The following GLIS3 variants were observed in gnomAD, a reference collection of about 807,000 sequenced individuals.
GLIS3 encodes the protein zinc finger protein GLIS3.
In GLIS3, 53 loss-of-function variants were observed where a neutral mutation model predicts 78.6. The observed-to-expected ratio is 0.67, with a 90% CI of 0.54 to 0.85. The LOEUF is 0.85. Ranked by LOEUF, GLIS3 falls within the 40% of genes least tolerant of loss-of-function variation. The pLI, the probability that GLIS3 is intolerant of heterozygous loss-of-function variation, is 0.00. For synonymous variants in GLIS3, 684 were observed against 509.9 expected (o/e 1.34, Z -4.60); for missense variants, 1,703 against 1,231.1 (o/e 1.38, Z -5.74).
At chr9:4,069,019 G>T (rs1375518446) in intron 4 of GLIS3, among the ~76,000 whole-genome samples, 1 of 152,078 alleles carries the variant, frequency 6.6e-6, no homozygotes, top group Non-Finnish European at 1.5e-5. Flanking sequence ...AAAGTAAGTG[G>T]CTTGTTCATG....
intron 1 of GLIS3, chr9:4,347,314 C>T (rs1049263253): frequency 3.9e-5 from 6 of 152,290 alleles, no homozygotes; most frequent in African/African-American, 1.2e-4. Context: ...TTAATCTACT[C>T]ATGAGGGATC....
intron 2 of GLIS3, among the ~76,000 whole-genome samples, chr9:4,283,447 G>C (rs1216686111): frequency 6.6e-6 from 1 of 151,878 alleles, no homozygotes; most frequent in African/African-American, 2.4e-5. Context: ...TGTATTTTTA[G>C]CAGAGGCGGC....
At chr9:4,478,013 A>C in the GLIS3 span, among the ~76,000 whole-genome samples, 1,701 of 152,336 alleles carry the variant, frequency 0.011, 35 homozygotes, top group African/African-American at 0.038. Flanking sequence ...ACGATTACCA[A>C]GACTGTAGCT....
At chr9:4,017,459 C>T (rs78890111) in intron 4 of GLIS3, among the ~76,000 whole-genome samples, 1,524 of 152,192 alleles carry the variant, frequency 0.01, 34 homozygotes, top group African/African-American at 0.035. Context: ...CACACATGAG[C>T]GCGCGTAATA....
chr9:4,148,355 C>G (rs944854473), intron 2 of GLIS3, among the ~76,000 whole-genome samples: 1 of 152,098 alleles, frequency 6.6e-6, no homozygotes, highest in African/African-American at 2.4e-5. Flanking sequence ...CCCTGGTCAC[C>G]ACATCCCCAC....
chr9:4,484,554 G>T, the GLIS3 span, among the ~76,000 whole-genome samples: 2 of 151,648 alleles, frequency 1.3e-5, no homozygotes, highest in Admixed American at 6.6e-5. Context: ...GGGTAGCTGG[G>T]ATTACAGGCC....
the GLIS3 span, among the ~76,000 whole-genome samples, chr9:4,364,742 G>T: frequency 9.8e-6 from 1 of 102,146 alleles, no homozygotes; most frequent in Non-Finnish European, 2.0e-5. Flanking sequence ...TATTCATGCT[G>T]TCATCATGTA....
At chr9:4,109,002 G>C (rs1020879272) in intron 4 of GLIS3, among the ~76,000 whole-genome samples, 2 of 152,138 alleles carry the variant, frequency 1.3e-5, no homozygotes, top group African/African-American at 4.8e-5. Context: ...CCCCGGTCTA[G>C]AGAGACATGG....
chr9:4,357,629 A>G, the GLIS3 span, among the ~76,000 whole-genome samples: 8 of 151,630 alleles, frequency 5.3e-5, no homozygotes, highest in Admixed American at 1.3e-4. Context: ...TTCTCTAGAA[A>G]ACTCCTCAAA....
At chr9:4,357,746 G>C in the GLIS3 span, among the ~76,000 whole-genome samples, 2 of 152,082 alleles carry the variant, frequency 1.3e-5, no homozygotes, top group Admixed American at 1.3e-4. Flanking sequence ...GGCCTTCTAG[G>C]AATTTATCCT....
intron 8 of GLIS3, among the ~76,000 whole-genome samples, chr9:3,862,032 A>G (rs778348495): frequency 3.9e-5 from 6 of 152,188 alleles, no homozygotes; most frequent in Admixed American, 2.0e-4. Flanking sequence ...GGTCTTGTGT[A>G]TAGGTCTCAT....
intron 2 of GLIS3, among the ~76,000 whole-genome samples, chr9:4,218,801 T>G (rs895608614): frequency 6.6e-6 from 1 of 152,226 alleles, no homozygotes; most frequent in African/African-American, 2.4e-5. Context: ...TCTCCTAGTC[T>G]CTCACAAGAG....
intron 2 of GLIS3, among the ~76,000 whole-genome samples, chr9:4,281,593 G>C (rs753080114): frequency 3.2e-4 from 48 of 152,170 alleles, no homozygotes; most frequent in Non-Finnish European, 1.8e-4. Flanking sequence ...GATCATCCAT[G>C]TTGTGGCATG....
chr9:4,248,620 G>A (rs553854295), intron 2 of GLIS3, among the ~76,000 whole-genome samples: 2 of 152,292 alleles, frequency 1.3e-5, no homozygotes, highest in Non-Finnish European at 2.9e-5. Context: ...TGGGATTGCT[G>A]GGTCAAATGG....
chr9:4,401,844 G>A, the GLIS3 span, among the ~76,000 whole-genome samples: 13 of 152,208 alleles, frequency 8.5e-5, no homozygotes, highest in African/African-American at 3.1e-4. Context: ...ATTGGTGGTG[G>A]CCTGGCAGAA....
At chr9:4,428,077 G>A in the GLIS3 span, among the ~76,000 whole-genome samples, 1 of 151,976 alleles carries the variant, frequency 6.6e-6, no homozygotes, top group Non-Finnish European at 1.5e-5. Context: ...TCAAGTCAGA[G>A]GAATAAACAT....
At chr9:4,229,851 T>C (rs1475729899) in intron 2 of GLIS3, among the ~76,000 whole-genome samples, 1 of 152,254 alleles carries the variant, frequency 6.6e-6, no homozygotes, top group African/African-American at 2.4e-5. Context: ...ATAATTTCTG[T>C]AAACTTACTT....
chr9:4,396,021 C>G, the GLIS3 span, among the ~76,000 whole-genome samples: 4 of 151,906 alleles, frequency 2.6e-5, no homozygotes, highest in African/African-American at 2.4e-5. Flanking sequence ...ATCCACCTGC[C>G]TCGGCCTCCC....
chr9:4,416,466 T>C, the GLIS3 span, among the ~76,000 whole-genome samples: 1 of 152,100 alleles, frequency 6.6e-6, no homozygotes, highest in East Asian at 1.9e-4. Context: ...AAGTATCTTG[T>C]TCTAAAAGGT....
Sources: allele counts gnomAD v4.1 joint callset (sites outside exome capture counted in the v4.1 genomes callset), GRCh38; gene constraint gnomAD v4.1.1; transcripts MANE v1.5; gene names NCBI Gene and HGNC (gene_info 2026-07-23, HGNC 2026-07-21).